FBXL17: variants seen among roughly 807,000 people sequenced by gnomAD.
The protein encoded by FBXL17 is F-box/LRR-repeat protein 17.
In FBXL17, 22 loss-of-function variants were observed where a neutral mutation model predicts 66.2. The observed-to-expected ratio is 0.33, with a 90% confidence interval of 0.24 to 0.47. The LOEUF (loss-of-function observed/expected upper bound fraction) is 0.47. FBXL17 is among the 20% of genes least tolerant of loss of function. FBXL17 has a pLI of 1.00. For synonymous variants in FBXL17, 474 were observed against 400.5 expected (o/e 1.18, Z -2.19); for missense variants, 878 against 948.2 (o/e 0.93, Z 0.97).
intron 4 of FBXL17, among the ~76,000 whole-genome samples, chr5:108,241,125 G>A (rs1192305546): frequency 1.3e-5 from 2 of 152,092 alleles, no homozygotes; most frequent in Non-Finnish European, 2.9e-5. Flanking sequence ...AGCCCATCCT[G>A]GAAAATATGA....
intron 6 of FBXL17, among the ~76,000 whole-genome samples, chr5:108,119,746 C>A (rs746642747): frequency 2.6e-5 from 4 of 152,186 alleles, no homozygotes; most frequent in Non-Finnish European, 4.4e-5. Flanking sequence ...TCATTTTGAA[C>A]CTATTTAATC....
At chr5:108,370,445 A>G (rs1195628732) in intron 1 of FBXL17, among the ~76,000 whole-genome samples, 2 of 152,142 alleles carry the variant, frequency 1.3e-5, no homozygotes, top group African/African-American at 2.4e-5. Context: ...AGTGAGAAGT[A>G]TAGAATATCA....
chr5:107,912,925 T>C (rs1750000859), intron 7 of FBXL17, among the ~76,000 whole-genome samples: 1 of 152,134 alleles, frequency 6.6e-6, no homozygotes, highest in African/African-American at 2.4e-5. Flanking sequence ...AAAAGTATAG[T>C]GTAAGACTTA....
rs536498626 is a variant in FBXL17 at position 108,029,143 on chromosome 5, G to A, written c.1746-8142C>T. Among the ~76,000 whole-genome samples the A allele has an allele frequency of 1.6e-4, 24 of 152,160 alleles. No homozygotes were observed. The South Asian group carries it at 3.5e-3, about 22-fold the overall frequency. ...AAAAACTAATAAAAAAATTTTACAG[G>A]AGATTTTACATAGAGATTATACAAA... On this transcript the variant is annotated intron_variant, in intron 6 of 8. Coordinates refer to ENST00000542267, the MANE Select transcript of FBXL17 (RefSeq NM_001163315.3).
At chr5:108,109,476 T>A (rs1271582200) in intron 6 of FBXL17, among the ~76,000 whole-genome samples, 1 of 152,230 alleles carries the variant, frequency 6.6e-6, no homozygotes, top group East Asian at 1.9e-4. Context: ...CACTTCTCTG[T>A]ATTGACTGAC....
At chr5:108,189,969 G>C (rs1368792990) in intron 5 of FBXL17, among the ~76,000 whole-genome samples, 1 of 152,148 alleles carries the variant, frequency 6.6e-6, no homozygotes, top group Non-Finnish European at 1.5e-5. Context: ...CCCCAGTTGA[G>C]ATCTTGATTG....
chr5:108,032,275 G>A (rs897113645), intron 6 of FBXL17, among the ~76,000 whole-genome samples: 7 of 151,986 alleles, frequency 4.6e-5, no homozygotes, highest in South Asian at 2.1e-4. Context: ...TGTAAAGTAC[G>A]TAGAGCAGCA....
chr5:107,982,168 C>G (rs935447715), intron 7 of FBXL17, among the ~76,000 whole-genome samples: 2 of 152,092 alleles, frequency 1.3e-5, no homozygotes, highest in African/African-American at 4.8e-5. Flanking sequence ...ATACAGTACT[C>G]TCCACTTAAA....
At chr5:108,297,261 T>C (rs1246831393) in intron 4 of FBXL17, among the ~76,000 whole-genome samples, 1 of 151,680 alleles carries the variant, frequency 6.6e-6, no homozygotes, top group Admixed American at 6.6e-5. Context: ...AGTCATTTTA[T>C]AATCTACAAC....
At chr5:108,105,734 T>C (rs1749770137) in intron 6 of FBXL17, among the ~76,000 whole-genome samples, 1 of 149,744 alleles carries the variant, frequency 6.7e-6, no homozygotes, top group Non-Finnish European at 1.5e-5. Context: ...GCTTTCAACT[T>C]TTCTGCTGAT....
At chr5:108,256,221 G>A (rs1756571971) in intron 4 of FBXL17, among the ~76,000 whole-genome samples, 6 of 152,104 alleles carry the variant, frequency 3.9e-5, no homozygotes, top group African/African-American at 1.4e-4. Context: ...GCTATGCCTA[G>A]CACATTGCAG....
At chr5:108,290,766 T>C (rs78322923) in intron 4 of FBXL17, among the ~76,000 whole-genome samples, 2,365 of 152,284 alleles carry the variant, frequency 0.016, 73 homozygotes, top group African/African-American at 0.053. Context: ...TATCTTTTGT[T>C]GGATCTATTC....
At chr5:108,024,241 T>A (rs1343141911) in intron 6 of FBXL17, among the ~76,000 whole-genome samples, 1 of 152,070 alleles carries the variant, frequency 6.6e-6, no homozygotes, top group Non-Finnish European at 1.5e-5. Context: ...TTAAGAAAAA[T>A]TCATAACATG....
intron 7 of FBXL17, among the ~76,000 whole-genome samples, chr5:107,929,941 G>A (rs148100330): frequency 3.0e-4 from 45 of 152,246 alleles, no homozygotes; most frequent in African/African-American, 7.0e-4. Flanking sequence ...GATGCTCCTA[G>A]CAACTTCAAG....
chr5:108,109,815 G>A (rs1371187049), intron 6 of FBXL17, among the ~76,000 whole-genome samples: 2 of 152,140 alleles, frequency 1.3e-5, no homozygotes, highest in African/African-American at 4.8e-5. Flanking sequence ...TGATTAAGAT[G>A]TTCTGAGACA....
At chr5:108,166,568 G>A (rs1325403584) in intron 6 of FBXL17, among the ~76,000 whole-genome samples, 1 of 152,160 alleles carries the variant, frequency 6.6e-6, no homozygotes, top group East Asian at 1.9e-4. Flanking sequence ...ATCAGATAGA[G>A]TGTGATTTGA....
At chr5:108,085,619 G>C (rs964359043) in intron 6 of FBXL17, among the ~76,000 whole-genome samples, 19 of 152,126 alleles carry the variant, frequency 1.2e-4, no homozygotes, top group Non-Finnish European at 2.6e-4. Flanking sequence ...ATGGTACCTT[G>C]GCATACTGAA....
chr5:107,945,932 G>T (rs1381396604), intron 7 of FBXL17, among the ~76,000 whole-genome samples: 2 of 151,936 alleles, frequency 1.3e-5, no homozygotes, highest in Non-Finnish European at 2.9e-5. Flanking sequence ...ATTTTTGGAG[G>T]AAGTTGTATA....
intron 6 of FBXL17, among the ~76,000 whole-genome samples, chr5:108,097,658 GCA>G (rs1749429425): frequency 6.6e-6 from 1 of 151,786 alleles, no homozygotes. Context: ...GCGTGGTGGT[GCA>G]CGCCTGTAAT....
Sources: allele counts gnomAD v4.1 joint callset (sites outside exome capture counted in the v4.1 genomes callset), GRCh38; gene constraint gnomAD v4.1.1; transcripts MANE v1.5; gene names NCBI Gene and HGNC (gene_info 2026-07-23, HGNC 2026-07-21).